Variants in CUL3 observed in about 807,000 individuals in gnomAD.
CUL3 encodes cullin-3.
A neutral mutation model predicts 89.1 loss-of-function variants in CUL3; 19 were observed. The ratio of observed to expected loss-of-function variants is 0.21; its 90% CI spans 0.15 to 0.31. The LOEUF is 0.31. CUL3 is among the 10% of genes least tolerant of loss of function. The pLI is 1.00. For synonymous variants in CUL3, 351 were observed against 308.4 expected, an observed-to-expected ratio of 1.14 and a Z score of -1.45; for missense variants, 469 against 942.3, an observed-to-expected ratio of 0.50 and a Z score of 6.58.
chr2:224,537,766 T>C (rs1269826114), intron 2 of CUL3, among the ~76,000 whole-genome samples: 1 of 152,208 alleles, frequency 6.6e-6, no homozygotes, highest in Non-Finnish European at 1.5e-5. Flanking sequence ...TATGAACTTC[T>C]ACATACCGCT....
At chr2:224,475,069 G>A (rs2106135379) in intron 15 of CUL3, among the ~76,000 whole-genome samples, 1 of 152,166 alleles carries the variant, frequency 6.6e-6, no homozygotes, top group Non-Finnish European at 1.5e-5. Flanking sequence ...CCAGGCTGGA[G>A]TGCAGCGGCG....
chr2:224,492,835 T>A (rs1157152834), intron 13 of CUL3, among the ~76,000 whole-genome samples: 1 of 152,176 alleles, frequency 6.6e-6, no homozygotes, highest in Non-Finnish European at 1.5e-5. Flanking sequence ...ACACTACATG[T>A]CTTCCAGGGA....
intron 3 of CUL3, among the ~76,000 whole-genome samples, chr2:224,516,905 A>T (rs1454623540): frequency 6.6e-6 from 1 of 152,122 alleles, no homozygotes; most frequent in Non-Finnish European, 1.5e-5. Context: ...TCGGCCTCCC[A>T]AAGTGCTGGG....
intron 13 of CUL3, among the ~76,000 whole-genome samples, chr2:224,486,604 A>T (rs896323614): frequency 9.9e-5 from 15 of 152,156 alleles, no homozygotes; most frequent in East Asian, 1.9e-4. Context: ...GCCTCTAAGA[A>T]ATATGGGACT....
At chr2:224,578,320 A>G (rs1695355995) in intron 1 of CUL3, among the ~76,000 whole-genome samples, 1 of 152,178 alleles carries the variant, frequency 6.6e-6, no homozygotes, top group African/African-American at 2.4e-5. Context: ...TCAAAAATTT[A>G]CAGTAAGAAA....
chr2:224,526,736 T>C (rs564488493), intron 3 of CUL3, among the ~76,000 whole-genome samples: 28 of 150,376 alleles, frequency 1.9e-4, no homozygotes, highest in African/African-American at 6.9e-4. Context: ...CATCACTGCA[T>C]ATACCCAGAA....
At chr2:224,503,415 C>T (rs972486867) in intron 9 of CUL3, among the ~76,000 whole-genome samples, 2 of 152,196 alleles carry the variant, frequency 1.3e-5, no homozygotes, top group Non-Finnish European at 2.9e-5. Context: ...CTAATCCTCC[C>T]TTCCAGGCCT....
chr2:224,508,830 C>T (rs927929167), intron 6 of CUL3, among the ~76,000 whole-genome samples: 4 of 151,822 alleles, frequency 2.6e-5, no homozygotes, highest in African/African-American at 9.7e-5. Flanking sequence ...GGCGTGGTGG[C>T]GGGAGCCTGC....
intron 3 of CUL3, chr2:224,532,834 A>G (rs1397064084): frequency 6.6e-6 from 1 of 152,186 alleles, no homozygotes; most frequent in African/African-American, 2.4e-5. Flanking sequence ...GTAGAAAGGG[A>G]TTGACCCATA....
At chr2:224,505,897 A>T (rs1460967772) in intron 8 of CUL3, 59 bp downstream of exon 8, 2 of 1,137,270 alleles carry the variant, frequency 1.8e-6, no homozygotes, top group Non-Finnish European at 2.4e-6. Context: ...CTAATTTTAC[A>T]TATAATTTTA....
chr2:224,483,743 G>A (rs930547343), intron 13 of CUL3, among the ~76,000 whole-genome samples: 2 of 152,050 alleles, frequency 1.3e-5, no homozygotes, highest in African/African-American at 4.8e-5. Flanking sequence ...AAAGCTACAA[G>A]GAATTCCATA....
intron 9 of CUL3, 146 bp downstream of exon 9, chr2:224,503,506 C>G: frequency 1.4e-6 from 1 of 703,208 alleles, no homozygotes; most frequent in Admixed American, 3.6e-5. Context: ...TTAGTGTAGT[C>G]TGTGTTCTTC....
At chr2:224,505,717 T>G (rs1338602824) in intron 8 of CUL3, 1 of 235,588 alleles carries the variant, frequency 4.2e-6, no homozygotes, top group African/African-American at 2.3e-5. Context: ...ATTATAGGCA[T>G]GAGCCACCAA....
Position 224,557,586 on chromosome 2 carries a change from C to A in CUL3, c.264+73G>T. 4 of 1,042,296 alleles carry A rather than the reference C, an allele frequency of 3.8e-6. No homozygotes were observed. The South Asian group carries it at 6.7e-5, about 17-fold the overall frequency. The allele number at this position is 1,042,296 out of a possible 1,614,324, so 64.6% of individuals were successfully genotyped here. On this transcript the variant is annotated intron_variant, in intron 2 of 15. Coordinates refer to ENST00000264414, the MANE Select transcript of CUL3 (RefSeq NM_003590.5). ...CACCTTTAAAAAGAACACTTCCGGT[C>A]AAAGTGCAATATGGTATAAAGGATT...
At chr2:224,579,625 G>C (rs1695388532) in intron 1 of CUL3, among the ~76,000 whole-genome samples, 1 of 152,196 alleles carries the variant, frequency 6.6e-6, no homozygotes. Flanking sequence ...CCAAACAGTT[G>C]CTGTCCATGC....
intron 2 of CUL3, among the ~76,000 whole-genome samples, chr2:224,542,552 TGTGC>T: frequency 7.0e-6 from 1 of 143,100 alleles, no homozygotes; most frequent in Non-Finnish European, 1.5e-5. Flanking sequence ...GCTGTGTGCG[TGTGC>T]GTGTGTGTGT....
rs139859375 is a variant in CUL3, at chr2:224,581,987, A to G, written c.66+2957T>C. 2.7e-4 allele frequency among the ~76,000 whole-genome samples: 41 copies of G among 150,508 alleles called. No homozygotes were observed. The East Asian group carries it at 5.4e-3, about 20-fold the overall frequency. The stretch of plus-strand genomic sequence containing the variant: ...CATAAACAATTTTTTTTTTTGAGAC[A>G]GAGTTTCGCTTTTGTTGCCCAGGCT... On this transcript the variant is annotated intron_variant, in intron 1 of 15. Transcript: ENST00000264414.
intron 3 of CUL3, among the ~76,000 whole-genome samples, chr2:224,528,849 C>A (rs1258584383): frequency 3.3e-5 from 5 of 151,876 alleles, no homozygotes; most frequent in African/African-American, 1.2e-4. Context: ...GCTGCAAATA[C>A]CTTTGCTGCA....
At position 224,473,741 on chromosome 2, in the gene CUL3, A is replaced by G. The variant is rs572958976; in HGVS notation, c.*504T>C. The G allele has an allele frequency of 5.4e-6, 1 of 184,856 alleles. No individual in the cohort carries two copies. The highest frequency in any genetic ancestry group is 2.3e-5 in the African/African-American group (1 of 42,750). The allele number at this position is 184,856 out of a possible 1,614,324, so 11.5% of individuals were successfully genotyped here. A position where few individuals can be genotyped will look rare whatever the true frequency, so the allele number is the denominator to read the frequency against. On this transcript the variant is annotated 3_prime_UTR_variant, in exon 16 of 16. Coordinates refer to ENST00000264414, the MANE Select transcript of CUL3 (RefSeq NM_003590.5). The stretch of plus-strand genomic sequence containing the variant: ...TGTATGCTTGGGTCTTTGTATATTT[A>G]TCAAACCTTTAAAATTAAATAAGAC...
Sources: gnomAD v4.1 joint callset for allele counts (sites outside exome capture counted in the v4.1 genomes callset) on GRCh38, gnomAD v4.1.1 for gene constraint, MANE v1.5 for transcripts, NCBI Gene and HGNC (gene_info 2026-07-23, HGNC 2026-07-21) for gene names.